GRID2: variants seen among roughly 807,000 people sequenced by gnomAD.
GRID2 encodes glutamate ionotropic receptor delta type subunit 2, also known as glutamate receptor ionotropic, delta-2.
Under a neutral mutation model 114.8 loss-of-function variants are expected in GRID2, and 33 were observed. The ratio of observed to expected loss-of-function variants is 0.29; its 90% CI spans 0.22 to 0.38. GRID2 has a LOEUF of 0.38. GRID2 is among the 10% of genes least tolerant of loss of function. The pLI, the probability that GRID2 is intolerant of heterozygous loss-of-function variation, is 1.00. For synonymous variants in GRID2, 505 were observed against 449.9 expected, an observed-to-expected ratio of 1.12 and a Z score of -1.55; for missense variants, 1,184 against 1,257.7, an observed-to-expected ratio of 0.94 and a Z score of 0.89.
intron 9 of GRID2, among the ~76,000 whole-genome samples, chr4:93,412,905 G>A (rs1767346793): frequency 6.6e-6 from 1 of 152,108 alleles, no homozygotes; most frequent in Non-Finnish European, 1.5e-5. Context: ...CTTCATCCAT[G>A]TCCCTGCAAA....
At chr4:92,575,580 T>A (rs1161697495) in intron 1 of GRID2, among the ~76,000 whole-genome samples, 1 of 152,184 alleles carries the variant, frequency 6.6e-6, no homozygotes, top group Non-Finnish European at 1.5e-5. Context: ...TAGACCCTAG[T>A]CACCTCATTT....
intron 2 of GRID2, among the ~76,000 whole-genome samples, chr4:92,759,011 T>G (rs1351447391): frequency 6.6e-6 from 1 of 152,184 alleles, no homozygotes; most frequent in Non-Finnish European, 1.5e-5. Context: ...AAGTTTAACT[T>G]TTAAAACTTA....
chr4:92,457,522 C>G (rs941493289), intron 1 of GRID2, among the ~76,000 whole-genome samples: 1 of 152,058 alleles, frequency 6.6e-6, no homozygotes. Flanking sequence ...ATACACAAGT[C>G]GGACTTAAGT....
chr4:93,799,187 C>T (rs377466990), intron 1 of GRID2, among the ~76,000 whole-genome samples: 1 of 152,132 alleles, frequency 6.6e-6, no homozygotes, highest in Non-Finnish European at 1.5e-5. Context: ...TAAAAGTTTA[C>T]TATAAGTAAG....
intron 13 of GRID2, among the ~76,000 whole-genome samples, chr4:93,538,991 A>G (rs1440621865): frequency 1.3e-5 from 2 of 151,816 alleles, no homozygotes; most frequent in East Asian, 3.9e-4. Context: ...GTAATGTAAG[A>G]TATTAATATT....
At chr4:92,775,374 G>A (rs1738740644) in intron 2 of GRID2, among the ~76,000 whole-genome samples, 1 of 152,022 alleles carries the variant, frequency 6.6e-6, no homozygotes, top group Admixed American at 6.6e-5. Flanking sequence ...CAAAATTATC[G>A]ATGACAGAAA....
chr4:93,045,830 G>C (rs1365779816), intron 2 of GRID2, among the ~76,000 whole-genome samples: 1 of 152,030 alleles, frequency 6.6e-6, no homozygotes, highest in African/African-American at 2.4e-5. Context: ...TAAACATTCT[G>C]AAGAAATGAA....
At chr4:93,036,525 A>G (rs1378145388) in intron 2 of GRID2, among the ~76,000 whole-genome samples, 1 of 152,200 alleles carries the variant, frequency 6.6e-6, no homozygotes, top group Admixed American at 6.5e-5. Flanking sequence ...AATTTAAAAT[A>G]TAATAATGGC....
intron 2 of GRID2, among the ~76,000 whole-genome samples, chr4:92,712,354 T>C (rs890406652): frequency 6.6e-6 from 1 of 152,130 alleles, no homozygotes; most frequent in African/African-American, 2.4e-5. Context: ...AAAAATTAGT[T>C]TTATTTTTCC....
intron 2 of GRID2, among the ~76,000 whole-genome samples, chr4:92,721,151 G>A (rs545989468): frequency 7.2e-5 from 11 of 152,162 alleles, no homozygotes; most frequent in African/African-American, 2.6e-4. Context: ...AAGGGTTCAG[G>A]GTGGGACAAA....
At chr4:93,293,484 T>C (rs1191008657) in intron 8 of GRID2, among the ~76,000 whole-genome samples, 2 of 151,928 alleles carry the variant, frequency 1.3e-5, no homozygotes, top group African/African-American at 4.8e-5. Flanking sequence ...TGAAACAAAG[T>C]GTTACAGTGT....
rs1184728012 is a variant in GRID2 at position 92,988,128 on chromosome 4, G to GT, written c.245-96860dup. On this transcript the variant is annotated intron_variant, in intron 2 of 15. Transcript: ENST00000282020. ...AAAACCACAAACATATTACCTTATA[G>GT]TTTTTTTGAGTTAAAAATCCAGGAA... Among the ~76,000 whole-genome samples, 7 of 152,132 alleles carry GT rather than the reference G, an allele frequency of 4.6e-5. No homozygotes were observed. In the East Asian group the frequency reaches 1.4e-3, roughly 29 times the overall value.
intron 8 of GRID2, among the ~76,000 whole-genome samples, chr4:93,316,254 AAAG>A (rs1756576576): frequency 1.3e-5 from 2 of 151,020 alleles, no homozygotes; most frequent in South Asian, 4.2e-4. Context: ...GCAAGAAAAA[AAAG>A]AAAGAAAGAG....
chr4:93,019,233 A>G (rs978047824), intron 2 of GRID2, among the ~76,000 whole-genome samples: 4 of 152,200 alleles, frequency 2.6e-5, no homozygotes, highest in Non-Finnish European at 5.9e-5. Context: ...ATGTACACAT[A>G]TACATACTAG....
downstream of GRID2, among the ~76,000 whole-genome samples, chr4:93,778,688 A>G (rs1341732942): frequency 6.6e-6 from 1 of 152,082 alleles, no homozygotes; most frequent in Non-Finnish European, 1.5e-5. Flanking sequence ...GTGAGCCACC[A>G]CGCCCAGTCT....
chr4:93,401,245 A>T (rs1045259144), intron 9 of GRID2, among the ~76,000 whole-genome samples: 1 of 152,134 alleles, frequency 6.6e-6, no homozygotes, highest in African/African-American at 2.4e-5. Context: ...CATAAAAATA[A>T]TTCAATATAT....
At chr4:92,890,487 T>C (rs928606674) in intron 2 of GRID2, among the ~76,000 whole-genome samples, 13 of 152,054 alleles carry the variant, frequency 8.5e-5, no homozygotes, top group African/African-American at 3.1e-4. Context: ...AAGATATTTA[T>C]GTGGCCAAAA....
Position 93,515,303 on chromosome 4 carries a change from A to G in GRID2, c.2085A>G (p.Gly695=), listed in dbSNP as rs2149490920. The part of the protein sequence containing the change: ...SAVYEHVRMK[G]LNPFERDSMY... The stretch of plus-strand genomic sequence containing the variant: ...TATATGAGCATGTCCGCATGAAAGG[A>G]CTGAATCCTTTTGAGAGGGACAGCA... Residue 695 remains glycine, a synonymous_variant, in exon 13 of 16, where the codon GGA becomes GGG. Coordinates refer to ENST00000282020, the MANE Select transcript of GRID2 (RefSeq NM_001510.4). The G allele has an allele frequency of 1.2e-6, 2 of 1,611,094 alleles. No individual in the cohort carries two copies. The highest frequency in any genetic ancestry group is 2.2e-5 in the South Asian group (2 of 91,040).
intron 4 of GRID2, among the ~76,000 whole-genome samples, chr4:93,144,845 A>G (rs1156662803): frequency 6.6e-6 from 1 of 152,198 alleles, no homozygotes; most frequent in Non-Finnish European, 1.5e-5. Flanking sequence ...TTGCTGGAGT[A>G]CCCATAAAAA....
Sources: allele counts gnomAD v4.1 joint callset (sites outside exome capture counted in the v4.1 genomes callset), GRCh38; gene constraint gnomAD v4.1.1; transcripts MANE v1.5; gene names NCBI Gene and HGNC (gene_info 2026-07-23, HGNC 2026-07-21).